Variants in CTXN3 observed in about 807,000 individuals in gnomAD.
CTXN3 encodes the protein cortexin 3.
Under a neutral mutation model 5.0 loss-of-function variants are expected in CTXN3, and 4 were observed. That is an observed-to-expected ratio of 0.79 (90% CI 0.39 to 1.82). The LOEUF is 1.82. Among genes scored for constraint, CTXN3 ranks in the 40% most tolerant of loss-of-function variants. CTXN3 has a pLI of 0.04. For synonymous variants in CTXN3, 48 were observed against 38.6 expected (o/e 1.24, Z -0.91); for missense variants, 89 against 99.7 (o/e 0.89, Z 0.46).
intron 1 of CTXN3, among the ~76,000 whole-genome samples, chr5:127,650,107 A>T (rs1038306046): frequency 6.6e-6 from 1 of 152,102 alleles, no homozygotes; most frequent in African/African-American, 2.4e-5. Flanking sequence ...ATGGGGAAGA[A>T]GTAAAGCTGA....
chr5:127,657,320 T>C (rs1749931597), intron 2 of CTXN3, 103 bp from the exon 3 acceptor site: 1 of 573,516 alleles, frequency 1.7e-6, no homozygotes, highest in East Asian at 3.0e-5. Flanking sequence ...AAAAGAAAGC[T>C]GGTTTACAGA....
intron 2 of CTXN3, among the ~76,000 whole-genome samples, chr5:127,655,591 G>A (rs1749889553): frequency 6.6e-6 from 1 of 152,190 alleles, no homozygotes; most frequent in African/African-American, 2.4e-5. Flanking sequence ...CTGGTCTGAT[G>A]TGCTGAGGAG....
chr5:127,655,579 C>T (rs1218293930), intron 2 of CTXN3, among the ~76,000 whole-genome samples: 3 of 152,186 alleles, frequency 2.0e-5, no homozygotes, highest in African/African-American at 7.2e-5. Flanking sequence ...ACACAGATGG[C>T]CCTGGTCTGA....
At chr5:127,653,978 C>G (rs1196902227) in intron 2 of CTXN3, among the ~76,000 whole-genome samples, 1 of 152,182 alleles carries the variant, frequency 6.6e-6, no homozygotes, top group African/African-American at 2.4e-5. Context: ...CACCACCATG[C>G]CTGTCTTCCT....
intron 2 of CTXN3, among the ~76,000 whole-genome samples, chr5:127,656,114 T>A (rs1749901564): frequency 6.6e-6 from 1 of 152,170 alleles, no homozygotes; most frequent in Non-Finnish European, 1.5e-5. Context: ...AAAATTTATT[T>A]TGTGTCCGTG....
At chr5:127,650,469 CTTGGAAAAAAATA>C (rs1186419373) in intron 1 of CTXN3, among the ~76,000 whole-genome samples, 1 of 151,978 alleles carries the variant, frequency 6.6e-6, no homozygotes, top group East Asian at 1.9e-4. Flanking sequence ...GAGGGCTGTA[CTTGGAAAAAAATA>C]TAGAGATGTT....
At position 127,657,900 on chromosome 5, in the gene CTXN3, T is replaced by C. The variant is rs916931347; in HGVS notation, c.*133T>C. 1.8e-5 allele frequency: 19 copies of C among 1,065,750 alleles called. No individual in the cohort carries two copies. The highest frequency in any genetic ancestry group is 2.6e-5 in the Non-Finnish European group (19 of 743,080). The allele number at this position is 1,065,750 out of a possible 1,614,324, so 66.0% of individuals were successfully genotyped here. ...CCCAGGACCATAATCCATTATTCCA[T>C]AAATATGCAGTTGGGTTAAAGACAT... On this transcript the variant is annotated 3_prime_UTR_variant, in exon 3 of 3. Coordinates refer to ENST00000379445, the MANE Select transcript of CTXN3 (RefSeq NM_001048252.3).
At chr5:127,649,456 A>G (rs966595381) in intron 1 of CTXN3, 68 bp downstream of exon 1, 1 of 152,240 alleles carries the variant, frequency 6.6e-6, no homozygotes, top group Non-Finnish European at 1.5e-5. Context: ...CAATTGATGC[A>G]TGAGCAATCA....
chr5:127,656,557 C>A (rs1749912941), intron 2 of CTXN3, among the ~76,000 whole-genome samples: 2 of 152,034 alleles, frequency 1.3e-5, no homozygotes, highest in Non-Finnish European at 2.9e-5. Flanking sequence ...AGTATTGAAC[C>A]TGGTCTTTGT....
intron 2 of CTXN3, among the ~76,000 whole-genome samples, chr5:127,654,973 T>C (rs1440431005): frequency 6.6e-6 from 1 of 152,118 alleles, no homozygotes; most frequent in African/African-American, 2.4e-5. Flanking sequence ...TAAAGAACTT[T>C]CTGAAAATGG....
intron 2 of CTXN3, 136 bp from the exon 3 acceptor site, chr5:127,657,287 A>G (rs1749930864): frequency 1.9e-6 from 1 of 518,954 alleles, no homozygotes; most frequent in Non-Finnish European, 3.4e-6. Flanking sequence ...CGATAATTAT[A>G]CAGAATTGAG....
chr5:127,656,119 T>C (rs1749901620), intron 2 of CTXN3, among the ~76,000 whole-genome samples: 1 of 152,198 alleles, frequency 6.6e-6, no homozygotes, highest in African/African-American at 2.4e-5. Context: ...TTATTTTGTG[T>C]CCGTGTTAAT....
chr5:127,657,137 A>T (rs1239421492), intron 2 of CTXN3, among the ~76,000 whole-genome samples: 2 of 152,342 alleles, frequency 1.3e-5, no homozygotes, highest in African/African-American at 4.8e-5. Context: ...TCAAGTTGAC[A>T]GTACACCCTG....
At chr5:127,650,859 A>G (rs1749770895) in intron 1 of CTXN3, among the ~76,000 whole-genome samples, 1 of 152,150 alleles carries the variant, frequency 6.6e-6, no homozygotes, top group South Asian at 2.1e-4. Flanking sequence ...GGAGAATGAA[A>G]TGTACTTTGA....
chr5:127,656,501 C>T (rs1749910234), intron 2 of CTXN3, among the ~76,000 whole-genome samples: 1 of 152,176 alleles, frequency 6.6e-6, no homozygotes, highest in Non-Finnish European at 1.5e-5. Context: ...ATGCATCGAT[C>T]AATTCCTTTC....
intron 1 of CTXN3, among the ~76,000 whole-genome samples, chr5:127,649,884 A>G (rs149315408): frequency 1.3e-3 from 193 of 152,280 alleles, no homozygotes; most frequent in African/African-American, 4.3e-3. Context: ...CGTTTTCACT[A>G]TGAAACACAC....
rs1411702980 is a variant in CTXN3, at chr5:127,658,054, A to G, written c.*287A>G. ...TGAAACCAAGAGCGTTAATACTGAC[A>G]TAGATTTGCCATCAAACAAAACACC... On this transcript the variant is annotated 3_prime_UTR_variant, in exon 3 of 3. Coordinates refer to ENST00000379445, the MANE Select transcript of CTXN3 (RefSeq NM_001048252.3). 4 of 363,130 alleles carry G rather than the reference A, an allele frequency of 1.1e-5. No homozygotes were observed. Among genetic ancestry groups the G allele is most frequent in the Non-Finnish European group, 2.1e-5 (4 of 188,376 alleles). The allele number at this position is 363,130 out of a possible 1,614,324, so 22.5% of individuals were successfully genotyped here.
chr5:127,657,452 C>G lies in CTXN3; in HGVS notation c.-70C>G, dbSNP rs1749934562. 6.3e-7 allele frequency: 1 copy of G among 1,579,246 alleles called. No individual in the cohort carries two copies. The highest frequency in any genetic ancestry group is 8.6e-7 in the Non-Finnish European group (1 of 1,160,730). On this transcript the variant is annotated 5_prime_UTR_variant, in exon 3 of 3. Coordinates refer to ENST00000379445, the MANE Select transcript of CTXN3 (RefSeq NM_001048252.3). ...CTCAGCCTCTCCAGAGTGCAGCCAC[C>G]ATGACCTCCGCAGATTGATGATGGA...
chr5:127,657,426 A>G lies in CTXN3; in HGVS notation c.-96A>G. On this transcript the variant is annotated 5_prime_UTR_variant, in exon 3 of 3. Transcript: ENST00000379445. ...TTCCCTTCCTTTTTCCCTGCAGATA[A>G]CTCAGCCTCTCCAGAGTGCAGCCAC... The G allele has an allele frequency of 2.1e-6, 3 of 1,405,582 alleles. No homozygotes were observed. Among genetic ancestry groups the G allele is most frequent in the Non-Finnish European group, 2.9e-6 (3 of 1,024,264 alleles). The allele number at this position is 1,405,582 out of a possible 1,614,324, so 87.1% of individuals were successfully genotyped here.
Sources: allele counts gnomAD v4.1 joint callset (sites outside exome capture counted in the v4.1 genomes callset), GRCh38; gene constraint gnomAD v4.1.1; transcripts MANE v1.5; gene names NCBI Gene and HGNC (gene_info 2026-07-23, HGNC 2026-07-21).